The following FAM184B variants were observed in gnomAD, a reference collection of about 807,000 sequenced individuals.
FAM184B encodes the protein family with sequence similarity 184 member B.
Under a neutral mutation model 135.9 loss-of-function variants are expected in FAM184B, and 111 were observed. The observed-to-expected ratio is 0.82, with a 90% CI of 0.70 to 0.96. The LOEUF is 0.96. FAM184B is among the 40% of genes least tolerant of loss of function. The pLI is 0.00. For synonymous variants in FAM184B, 552 were observed against 524.8 expected, an observed-to-expected ratio of 1.05 and a Z score of -0.71; for missense variants, 1,375 against 1,323.9, an observed-to-expected ratio of 1.04 and a Z score of -0.60.
Position 17,660,864 on chromosome 4 carries a change from A to T in FAM184B, c.1695-777T>A, listed in dbSNP as rs145996867. Among the ~76,000 whole-genome samples, 448 of 152,220 alleles carry T rather than the reference A, an allele frequency of 2.9e-3. 4 individuals are homozygous for T. Among genetic ancestry groups the T allele is most frequent in the South Asian group, 0.024 (115 of 4,820 alleles). Reference sequence around the variant, plus strand: ...GCAGCATCTTCTTCCCCTGACAAGGACATCAGGCCAGAGCTCCAGAGGTGG... The same window carrying T: ...GCAGCATCTTCTTCCCCTGACAAGGTCATCAGGCCAGAGCTCCAGAGGTGG... On this transcript the variant is annotated intron_variant, in intron 8 of 17. Coordinates refer to ENST00000265018, the MANE Select transcript of FAM184B (RefSeq NM_015688.2).
At chr4:17,718,268 T>A (rs910612238) in intron 1 of FAM184B, among the ~76,000 whole-genome samples, 2 of 152,164 alleles carry the variant, frequency 1.3e-5, no homozygotes, top group African/African-American at 4.8e-5. Flanking sequence ...GTCATTGAGC[T>A]AAAAAGTGAG....
chr4:17,671,253 G>T (rs1367745949), intron 7 of FAM184B, among the ~76,000 whole-genome samples: 1 of 152,062 alleles, frequency 6.6e-6, no homozygotes, highest in Non-Finnish European at 1.5e-5. Flanking sequence ...AGGAGGAAAG[G>T]AGTTAATTGG....
chr4:17,647,795 G>C lies in FAM184B; in HGVS notation c.2192-4C>G. On this transcript the variant is annotated splice_region_variant and splice_polypyrimidine_tract_variant and intron_variant, in intron 11 of 17. Transcript: ENST00000265018. ...GACAGCTCCTGTCTGAGCGACTCTGGAAAAGGGAGAGCAGCAGTGAGTTAG... is the reference window on the plus strand; with the variant it reads ...GACAGCTCCTGTCTGAGCGACTCTGCAAAAGGGAGAGCAGCAGTGAGTTAG... 1 of 1,546,730 alleles carries C rather than the reference G, an allele frequency of 6.5e-7. No individual in the cohort carries two copies. Among genetic ancestry groups the C allele is most frequent in the Non-Finnish European group, 8.7e-7 (1 of 1,144,868 alleles).
chr4:17,742,137 A>AAT (rs372209332), intron 1 of FAM184B, among the ~76,000 whole-genome samples: 40 of 26,456 alleles, frequency 1.5e-3, no homozygotes, highest in African/African-American at 3.0e-3. Flanking sequence ...TATACATATG[A>AAT]ATATATATAT....
At chr4:17,742,838 G>A (rs796654993) in intron 1 of FAM184B, among the ~76,000 whole-genome samples, 2 of 152,334 alleles carry the variant, frequency 1.3e-5, no homozygotes, top group African/African-American at 4.8e-5. Context: ...CAAGAACCCA[G>A]GTGCCAAGAG....
rs111295918 is a variant in FAM184B at position 17,722,377 on chromosome 4, T to C, written c.142-12733A>G. On this transcript the variant is annotated intron_variant, in intron 1 of 17. Coordinates refer to ENST00000265018, the MANE Select transcript of FAM184B (RefSeq NM_015688.2). Reference sequence around the variant, plus strand: ...GGTTGTGTGGTTACTGTCCCTTCCTTTAAGAAAACAGGCTCAAACAGGTCC... The same window carrying C: ...GGTTGTGTGGTTACTGTCCCTTCCTCTAAGAAAACAGGCTCAAACAGGTCC... Among the ~76,000 whole-genome samples the C allele has an allele frequency of 3.5e-3, 528 of 152,252 alleles. 3 individuals are homozygous for C. The highest frequency in any genetic ancestry group is 0.012 in the African/African-American group (492 of 41,518).
chr4:17,779,184 G>A (rs1028059775), intron 1 of FAM184B, among the ~76,000 whole-genome samples: 1 of 152,174 alleles, frequency 6.6e-6, no homozygotes, highest in Non-Finnish European at 1.5e-5. Flanking sequence ...TCTGATGGAA[G>A]AAGAGCCCAA....
Position 17,707,715 on chromosome 4 carries a change from C to T in FAM184B, c.964G>A (p.Gly322Arg). 2 of 1,551,896 alleles carry T rather than the reference C, an allele frequency of 1.3e-6. No homozygotes were observed. The highest frequency in any genetic ancestry group is 1.7e-6 in the Non-Finnish European group (2 of 1,147,038). Residue 322 changes from glycine (G) to arginine (R), a missense_variant, in exon 3 of 18, where the codon GGG becomes AGG. Physicochemically the swap from Gly to Arg is moderately radical, Grantham distance 125. Transcript: ENST00000265018. ...TCTTTGGCAACAGCCAGCTTCTCCC[C>T]AAGTTTTTTTGCAGTGCCTTTCAAC... ...SELKGTAKKL[G>R]EKLAVAKDRM...
At chr4:17,752,776 A>G (rs558490999) in intron 1 of FAM184B, among the ~76,000 whole-genome samples, 2 of 152,244 alleles carry the variant, frequency 1.3e-5, no homozygotes, top group Non-Finnish European at 2.9e-5. Context: ...ATATGACAGC[A>G]CTCAGAAATC....
At chr4:17,744,189 G>A (rs2108984788) in intron 1 of FAM184B, among the ~76,000 whole-genome samples, 1 of 152,176 alleles carries the variant, frequency 6.6e-6, no homozygotes, top group South Asian at 2.1e-4. Context: ...CTATCTTAAA[G>A]TCAATTTATT....
At position 17,669,059 on chromosome 4, in the gene FAM184B, C is replaced by T. The variant is rs969020641; in HGVS notation, c.1597-4400G>A. Among the ~76,000 whole-genome samples the T allele has an allele frequency of 3.9e-5, 6 of 152,196 alleles. No homozygotes were observed. In the East Asian group the frequency reaches 9.6e-4, roughly 24 times the overall value. ...ACAGCCAGGGACTGAGAACACGCTG[C>T]ACAGCTATTTTTCATAGCCTGAGTC... On this transcript the variant is annotated intron_variant, in intron 7 of 17. Coordinates refer to ENST00000265018, the MANE Select transcript of FAM184B (RefSeq NM_015688.2).
At chr4:17,729,182 T>C (rs1019098220) in intron 1 of FAM184B, among the ~76,000 whole-genome samples, 2 of 152,076 alleles carry the variant, frequency 1.3e-5, no homozygotes, top group Non-Finnish European at 2.9e-5. Flanking sequence ...AACTGCAAGG[T>C]GGCAGCAATG....
rs1392944110 is a variant in FAM184B, at chr4:17,635,116, A to G, written c.2785-3T>C. Reference sequence around the variant, plus strand: ...GCGTAGTGAAATCTTCTCTCTTCCTAGAAAACCAATACAACTGAGTCTAAA... The same window carrying G: ...GCGTAGTGAAATCTTCTCTCTTCCTGGAAAACCAATACAACTGAGTCTAAA... On this transcript the variant is annotated splice_polypyrimidine_tract_variant and splice_region_variant and intron_variant, in intron 15 of 17. Transcript: ENST00000265018. 1.9e-6 allele frequency: 3 copies of G among 1,549,910 alleles called. No individual in the cohort carries two copies. Among genetic ancestry groups the G allele is most frequent in the African/African-American group, 1.4e-5 (1 of 72,986 alleles).
At chr4:17,637,564 G>T (rs1349732132) in intron 14 of FAM184B, among the ~76,000 whole-genome samples, 1 of 152,200 alleles carries the variant, frequency 6.6e-6, no homozygotes, top group Non-Finnish European at 1.5e-5. Context: ...GGGTGGTTGT[G>T]AGAATTCAAT....
At chr4:17,732,330 A>G (rs1026551051) in intron 1 of FAM184B, among the ~76,000 whole-genome samples, 5 of 152,248 alleles carry the variant, frequency 3.3e-5, no homozygotes, top group African/African-American at 9.6e-5. Flanking sequence ...AGAAATAACT[A>G]AAATCAGAGC....
chr4:17,647,252 CT>C (rs3066609), intron 12 of FAM184B, among the ~76,000 whole-genome samples: 17,581 of 128,722 alleles, frequency 0.14, 2,590 homozygotes, highest in African/African-American at 0.4. Context: ...GAGCCCATCC[CT>C]TTTTTTTTTT....
At chr4:17,657,612 C>G (rs547725729) in intron 10 of FAM184B, among the ~76,000 whole-genome samples, 1 of 149,824 alleles carries the variant, frequency 6.7e-6, no homozygotes, top group South Asian at 2.1e-4. Flanking sequence ...TAACACAGTA[C>G]AATTTCCCAA....
chr4:17,629,684 T>G lies in FAM184B; in HGVS notation c.*2848A>C, dbSNP rs1228090046. ...TAATCCCGAATTGGATAATTTCTCTTCATCTTCACTGTCACCTCTACGCCA... is the reference window on the plus strand; with the variant it reads ...TAATCCCGAATTGGATAATTTCTCTGCATCTTCACTGTCACCTCTACGCCA... On this transcript the variant is annotated 3_prime_UTR_variant, in exon 18 of 18. Coordinates refer to ENST00000265018, the MANE Select transcript of FAM184B (RefSeq NM_015688.2). The G allele has an allele frequency of 6.6e-6, 1 of 152,222 alleles. No homozygotes were observed. The highest frequency in any genetic ancestry group is 1.5e-5 in the Non-Finnish European group (1 of 68,042). The allele number at this position is 152,222 out of a possible 1,614,324, so 9.4% of individuals were successfully genotyped here.
chr4:17,680,195 A>C (rs150475635), intron 7 of FAM184B, among the ~76,000 whole-genome samples: 2 of 152,232 alleles, frequency 1.3e-5, no homozygotes, highest in African/African-American at 4.8e-5. Flanking sequence ...CAATGTATAG[A>C]TATTTCAAAA....
Sources: allele counts gnomAD v4.1 joint callset (sites outside exome capture counted in the v4.1 genomes callset), GRCh38; gene constraint gnomAD v4.1.1; transcripts MANE v1.5; gene names NCBI Gene and HGNC (gene_info 2026-07-23, HGNC 2026-07-21).